CDC45: variants seen among roughly 807,000 people sequenced by gnomAD.
CDC45 encodes the protein cell division cycle 45.
CDC45 carries 54 observed loss-of-function variants against 77.8 expected under a neutral mutation model. That is an observed-to-expected ratio of 0.69 (90% CI 0.56 to 0.87). The LOEUF (loss-of-function observed/expected upper bound fraction) is 0.87. CDC45 is among the 40% of genes least tolerant of loss of function. The pLI is 0.00. For synonymous variants in CDC45, 260 were observed against 272.1 expected (o/e 0.96, Z 0.44); for missense variants, 649 against 721.6 (o/e 0.90, Z 1.15).
At position 19,520,519 on chromosome 22, in the gene CDC45, C is replaced by G. The variant is rs1464522305; in HGVS notation, c.*40C>G. 6.6e-6 allele frequency: 1 copy of G among 152,212 alleles called. No individual in the cohort carries two copies. The highest frequency in any genetic ancestry group is 1.5e-5 in the Non-Finnish European group (1 of 68,042). The allele number at this position is 152,212 out of a possible 1,614,324, so 9.4% of individuals were successfully genotyped here. ...CAGAATGACCTTCTTATTTATGTAA[C>G]TGGCTTTCATTTAGATTGTAAGTTA... On this transcript the variant is annotated 3_prime_UTR_variant, in exon 19 of 19. Coordinates refer to ENST00000263201, the MANE Select transcript of CDC45 (RefSeq NM_003504.5). This position sits in a 1 kb window ranked among gnomAD's most constrained non-coding sequence, Gnocchi z 4.5.
intron 9 of CDC45, chr22:19,504,961 T>C: frequency 4.7e-6 from 1 of 213,338 alleles, no homozygotes; most frequent in Non-Finnish European, 9.5e-6. Flanking sequence ...TGCTGCGAGC[T>C]GGGTTCATTT....
intron 13 of CDC45, among the ~76,000 whole-genome samples, chr22:19,514,053 C>T (rs1315721442): frequency 6.6e-6 from 1 of 152,238 alleles, no homozygotes; most frequent in Admixed American, 6.5e-5. Context: ...AAGAGTTGCA[C>T]ACATCTCTCT....
intron 13 of CDC45, among the ~76,000 whole-genome samples, chr22:19,513,146 G>C: frequency 6.6e-6 from 1 of 152,142 alleles, no homozygotes; most frequent in Non-Finnish European, 1.5e-5. Context: ...CGAAGATCTT[G>C]GATCAGATTT....
At chr22:19,493,210 C>T (rs1169559908) in intron 5 of CDC45, among the ~76,000 whole-genome samples, 1 of 124,434 alleles carries the variant, frequency 8.0e-6, no homozygotes, top group Non-Finnish European at 1.9e-5. Context: ...TTTGACTAGA[C>T]AGAGCAGCTT....
chr22:19,482,008 G>C lies in CDC45; in HGVS notation c.205-682G>C, dbSNP rs13447196. 2.7e-3 allele frequency among the ~76,000 whole-genome samples: 407 copies of C among 152,274 alleles called. 12 individuals carry two copies. The highest frequency in any genetic ancestry group is 0.025 in the Admixed American group (388 of 15,300). Reference sequence around the variant, plus strand: ...TATTTCTCTGAGAAAATGCATCCTGGTTTCCAACTTAAAATCCAGGAATAA... The same window carrying C: ...TATTTCTCTGAGAAAATGCATCCTGCTTTCCAACTTAAAATCCAGGAATAA... On this transcript the variant is annotated intron_variant, in intron 3 of 18. Coordinates refer to ENST00000263201, the MANE Select transcript of CDC45 (RefSeq NM_003504.5).
In CDC45 at chr22:19,481,165, T is replaced by C. The variant is rs2089976269; in HGVS notation, c.204+120T>C. The stretch of plus-strand genomic sequence containing the variant: ...TAAGTATCAGCTACATTAGGCAATA[T>C]GGAAGAGAAAAACATGCTGTATTTA... On this transcript the variant is annotated intron_variant, in intron 3 of 18. Coordinates refer to ENST00000263201, the MANE Select transcript of CDC45 (RefSeq NM_003504.5). The C allele has an allele frequency of 9.6e-6, 6 of 622,138 alleles. No individual in the cohort carries two copies. In the East Asian group the frequency reaches 1.8e-4, roughly 18 times the overall value. 38.5% of individuals were successfully genotyped at this position (622,138 alleles called of 1,614,324 possible).
At position 19,502,259 on chromosome 22, in the gene CDC45, C is replaced by T. The variant is rs76505380; in HGVS notation, c.705-3103C>T. Among the ~76,000 whole-genome samples, 1,132 of 152,218 alleles carry T rather than the reference C, an allele frequency of 7.4e-3. 38 individuals are homozygous for T. The highest frequency in any genetic ancestry group is 0.068 in the East Asian group (350 of 5,182). ...TATCCAGTAGAGACAAATATAAAAT[C>T]GTTCAGTCAATAAACTCAGAAAAAA... On this transcript the variant is annotated intron_variant, in intron 9 of 18. Transcript: ENST00000263201.
intron 10 of CDC45, 110 bp from the exon 11 acceptor site, chr22:19,507,276 G>T: frequency 7.4e-7 from 1 of 1,344,972 alleles, no homozygotes; most frequent in South Asian, 1.3e-5. Flanking sequence ...GGTTTTGCAG[G>T]CAGGCCTGGT....
At chr22:19,507,259 G>A in intron 10 of CDC45, 127 bp from the exon 11 acceptor site, 1 of 1,147,890 alleles carries the variant, frequency 8.7e-7, no homozygotes, top group South Asian at 1.4e-5. Flanking sequence ...TCACTCTTGG[G>A]ATACCTGGTT....
chr22:19,494,378 C>G lies in CDC45; in HGVS notation c.538C>G (p.Arg180Gly), dbSNP rs944765107. 8 of 1,613,542 alleles carry G rather than the reference C, an allele frequency of 5.0e-6. No individual in the cohort carries two copies. Among genetic ancestry groups the G allele is most frequent in the South Asian group, 2.2e-5 (2 of 91,020 alleles). ...GAGGCAGCGGCGAGAGTGGGAGGCC[C>G]GGAGGTGAGTCTGTGCTTCCAGCTG... ...RRRQRREWEA[R>G]RRDILFDYEQ... is the part of the protein sequence containing the mutation. The change falls in exon 6 of 19, where the codon CGG becomes GGG. Residue 180 changes from arginine (R) to glycine (G), a missense_variant. Transcript: ENST00000263201.
intron 15 of CDC45, among the ~76,000 whole-genome samples, chr22:19,515,978 C>A (rs1390105667): frequency 6.6e-6 from 1 of 152,168 alleles, no homozygotes; most frequent in African/African-American, 2.4e-5. Flanking sequence ...GAATACTGGT[C>A]ACCTGGGCTG....
chr22:19,507,420 C>T lies in CDC45; in HGVS notation c.859C>T (p.His287Tyr). 6.2e-7 allele frequency: 1 copy of T among 1,614,120 alleles called. No individual in the cohort carries two copies. Among genetic ancestry groups the T allele is most frequent in the South Asian group, 1.1e-5 (1 of 91,088 alleles). ...RLVLYQHWSL[H>Y]DSLCNTSYTA... The stretch of plus-strand genomic sequence containing the variant: ...GGTGCTCTACCAGCACTGGTCCCTC[C>T]ATGACAGCCTGTGCAACACCAGCTA... The change falls in exon 11 of 19, where the codon CAT becomes TAT. Residue 287 changes from histidine to tyrosine, a missense_variant. Coordinates refer to ENST00000263201, the MANE Select transcript of CDC45 (RefSeq NM_003504.5).
In CDC45 at chr22:19,483,887, A is replaced by G. The variant is rs1490702507; in HGVS notation, c.368A>G (p.Asp123Gly). The G allele has an allele frequency of 1.2e-6, 2 of 1,612,460 alleles. No individual in the cohort carries two copies. Among genetic ancestry groups the G allele is most frequent in the Non-Finnish European group, 1.7e-6 (2 of 1,179,636 alleles). Residue 123 changes from aspartate to glycine, a missense_variant, in exon 5 of 19, where the codon GAT becomes GGT. Transcript: ENST00000263201. ...ATCAAATTACTCATTAAACAAGATG[A>G]TGACCTTGAAGTTCCCGCCTATGAA... is the stretch of plus-strand genomic sequence containing the variant. ...TQIKLLIKQD[D>G]DLEVPAYEDI... is the part of the protein sequence containing the mutation.
chr22:19,505,117 G>T, intron 9 of CDC45: 1 of 528,912 alleles, frequency 1.9e-6, no homozygotes, highest in South Asian at 2.0e-5. Flanking sequence ...TTCTCAGGAG[G>T]TGTGAGACCC....
At position 19,507,821 on chromosome 22, in the gene CDC45, G is replaced by A; in HGVS notation, c.1012G>A (p.Glu338Lys). The A allele has an allele frequency of 6.2e-7, 1 of 1,601,152 alleles. No homozygotes were observed. Among genetic ancestry groups the A allele is most frequent in the Non-Finnish European group, 8.5e-7 (1 of 1,176,346 alleles). Residue 338 changes from glutamate (E) to lysine (K), a missense_variant, in exon 12 of 19, where the codon GAG becomes AAG. Transcript: ENST00000263201. ...CCAGGCCATGGACATCTCCTTGAAGGAGAATTTGCGGGAAATGATTGAAGA... is the reference window on the plus strand; with the variant it reads ...CCAGGCCATGGACATCTCCTTGAAGAAGAATTTGCGGGAAATGATTGAAGA... Reference protein sequence around the residue: ...KFQAMDISLKENLREMIEESA... With the variant: ...KFQAMDISLKKNLREMIEESA...
Position 19,516,522 on chromosome 22 carries a change from C to T in CDC45, c.1441-5C>T. ...CCTGACGGAGGGTGCTCTCCGACTC[C>T]ATAGACAAAGAACCGGCGCTGCAAA... On this transcript the variant is annotated splice_region_variant and splice_polypyrimidine_tract_variant and intron_variant, in intron 15 of 18. Transcript: ENST00000263201. The T allele has an allele frequency of 6.2e-7, 1 of 1,612,698 alleles. No homozygotes were observed. Among genetic ancestry groups the T allele is most frequent in the Non-Finnish European group, 8.5e-7 (1 of 1,178,880 alleles).
intron 9 of CDC45, among the ~76,000 whole-genome samples, chr22:19,504,012 G>A (rs1001657747): frequency 2.0e-5 from 3 of 152,220 alleles, no homozygotes; most frequent in South Asian, 4.1e-4. Flanking sequence ...CCCAGTGGCC[G>A]CTTGGGCTTT....
At chr22:19,480,913 G>A (rs776413663) in intron 2 of CDC45, 40 bp from the exon 3 acceptor site, 5 of 1,324,652 alleles carry the variant, frequency 3.8e-6, no homozygotes, top group Non-Finnish European at 5.4e-6. Context: ...AATTGCTAAT[G>A]TCCTAAATAA....
chr22:19,495,656 A>G (rs1449723703), intron 6 of CDC45, among the ~76,000 whole-genome samples: 2 of 152,130 alleles, frequency 1.3e-5, no homozygotes, highest in South Asian at 2.1e-4. Flanking sequence ...TGTCTCTATT[A>G]AAAAATTTTT....
Sources: gnomAD v4.1 joint callset for allele counts (sites outside exome capture counted in the v4.1 genomes callset) on GRCh38, gnomAD v4.1.1 for gene constraint, Gnocchi (gnomAD v3.1) non-coding constraint, MANE v1.5 for transcripts, NCBI Gene and HGNC (gene_info 2026-07-23, HGNC 2026-07-21) for gene names.